Variants in FARS2 observed in about 807,000 individuals in gnomAD.
FARS2 encodes the protein phenylalanine--tRNA ligase, mitochondrial.
In FARS2, 40 loss-of-function variants were observed where a neutral mutation model predicts 46.4. The ratio of observed to expected loss-of-function variants is 0.86; its 90% CI spans 0.67 to 1.12. FARS2 has a LOEUF of 1.12. Among genes scored for constraint, FARS2 ranks in the 50% most tolerant of loss-of-function variants. FARS2 has a pLI of 0.00. For synonymous variants in FARS2, 234 were observed against 214.9 expected (o/e 1.09, Z -0.78); for missense variants, 513 against 567.9 (o/e 0.90, Z 0.98).
At chr6:5,492,268 A>G (rs1395474703) in intron 4 of FARS2, among the ~76,000 whole-genome samples, 1 of 152,236 alleles carries the variant, frequency 6.6e-6, no homozygotes, top group Admixed American at 6.5e-5. Flanking sequence ...CTTTAAAAAC[A>G]TAATTCTAAT....
At chr6:5,289,603 C>T (rs1430648405) in intron 1 of FARS2, among the ~76,000 whole-genome samples, 1 of 152,222 alleles carries the variant, frequency 6.6e-6, no homozygotes, top group South Asian at 2.1e-4. Flanking sequence ...TACAAAGTTA[C>T]ACTCCTATGC....
rs542309061 is a variant in FARS2 at position 5,567,329 on chromosome 6, C to T, written c.1065+21989C>T. ...TATCATCTTTGGAGAAATGTCCTTT[C>T]GAGTACTTTGCGCATTTTTTAATTG... On this transcript the variant is annotated intron_variant, in intron 5 of 6. Coordinates refer to ENST00000274680, the MANE Select transcript of FARS2 (RefSeq NM_006567.5). Among the ~76,000 whole-genome samples, 33 of 152,200 alleles carry T rather than the reference C, an allele frequency of 2.2e-4. No homozygotes were observed. In the South Asian group the frequency reaches 6.4e-3, roughly 30 times the overall value.
chr6:5,359,028 CCCTTTT>C (rs1230593922), intron 1 of FARS2, among the ~76,000 whole-genome samples: 1 of 2,434 alleles, frequency 4.1e-4, no homozygotes, highest in Admixed American at 4.9e-3. Flanking sequence ...TGAAAAGATA[CCCTTTT>C]TTTTTTTTTT....
chr6:5,393,907 C>A (rs560309840), intron 2 of FARS2, among the ~76,000 whole-genome samples: 1 of 152,268 alleles, frequency 6.6e-6, no homozygotes, highest in East Asian at 1.9e-4. Context: ...TCTCGAGCAT[C>A]CTGCTATGCA....
intron 4 of FARS2, among the ~76,000 whole-genome samples, chr6:5,509,280 A>G (rs1768286567): frequency 1.3e-5 from 2 of 152,234 alleles, no homozygotes; most frequent in Admixed American, 6.5e-5. Flanking sequence ...CCTGCCCAGC[A>G]TTCCTTGGCG....
intron 3 of FARS2, among the ~76,000 whole-genome samples, chr6:5,427,911 G>T (rs1042917129): frequency 6.6e-6 from 1 of 152,144 alleles, no homozygotes; most frequent in Non-Finnish European, 1.5e-5. Context: ...AGCTATAATT[G>T]TTTTTTCTCA....
intron 5 of FARS2, among the ~76,000 whole-genome samples, chr6:5,574,470 G>T (rs1772843925): frequency 6.6e-6 from 1 of 152,132 alleles, no homozygotes; most frequent in Non-Finnish European, 1.5e-5. Flanking sequence ...ATAGTAGAAG[G>T]TTGAAAACAC....
intron 4 of FARS2, among the ~76,000 whole-genome samples, chr6:5,468,748 A>G (rs962185195): frequency 6.6e-6 from 1 of 152,174 alleles, no homozygotes; most frequent in Non-Finnish European, 1.5e-5. Context: ...CAAGAATGCG[A>G]TGCTAGCATG....
intron 5 of FARS2, among the ~76,000 whole-genome samples, chr6:5,578,808 C>CAAAAAAAAAAAAAAAAAAAAAAAA (rs56248218): frequency 8.0e-6 from 1 of 124,374 alleles, no homozygotes; most frequent in African/African-American, 3.2e-5. Flanking sequence ...CACTCCGTCT[C>CAAAAAAAAAAAAAAAAAAAAAAAA]AAAAAAAAAA....
intron 4 of FARS2, among the ~76,000 whole-genome samples, chr6:5,438,244 C>CCA (rs1763642917): frequency 9.0e-5 from 1 of 11,064 alleles, no homozygotes; most frequent in Non-Finnish European, 1.8e-4. Context: ...TACCCACCCC[C>CCA]CGCCCCCCCC....
chr6:5,688,847 G>A (rs1473827703), intron 6 of FARS2, among the ~76,000 whole-genome samples: 2 of 152,024 alleles, frequency 1.3e-5, no homozygotes, highest in Admixed American at 6.6e-5. Flanking sequence ...TTTTTTGGTT[G>A]GTAAGCTATT....
At chr6:5,260,454 G>C (rs1017181943), upstream of FARS2, among the ~76,000 whole-genome samples, 2 of 152,232 alleles carry the variant, frequency 1.3e-5, no homozygotes, top group African/African-American at 4.8e-5. Context: ...AGAAAGAAAG[G>C]CTCCTCCCCG....
At chr6:5,460,630 C>T (rs1242067490) in intron 4 of FARS2, among the ~76,000 whole-genome samples, 1 of 152,148 alleles carries the variant, frequency 6.6e-6, no homozygotes, top group East Asian at 1.9e-4. Context: ...TCTGCTGTAG[C>T]TGCAGTCCAA....
chr6:5,602,236 G>T (rs573372585), intron 5 of FARS2, among the ~76,000 whole-genome samples: 22 of 152,310 alleles, frequency 1.4e-4, no homozygotes, highest in Non-Finnish European at 2.9e-4. Flanking sequence ...TAAGGGTGCT[G>T]CAGTACTGGG....
chr6:5,356,928 G>A (rs1383732596), intron 1 of FARS2, among the ~76,000 whole-genome samples: 3 of 133,224 alleles, frequency 2.3e-5, no homozygotes, highest in East Asian at 5.1e-4. Flanking sequence ...TTATAGAGAA[G>A]TGGAGGGCTA....
At chr6:5,769,807 C>T (rs1762940519) in intron 6 of FARS2, among the ~76,000 whole-genome samples, 1 of 152,216 alleles carries the variant, frequency 6.6e-6, no homozygotes, top group East Asian at 1.9e-4. Context: ...CCTCCTGTGG[C>T]TTGATCCAAA....
intron 1 of FARS2, among the ~76,000 whole-genome samples, chr6:5,269,326 C>T (rs551253527): frequency 1.2e-4 from 14 of 118,838 alleles, no homozygotes; most frequent in Admixed American, 5.4e-4. Context: ...CATCGCACAC[C>T]GGGGCCTGTG....
intron 6 of FARS2, among the ~76,000 whole-genome samples, chr6:5,714,338 T>C (rs1224404534): frequency 6.6e-6 from 1 of 152,154 alleles, no homozygotes; most frequent in Non-Finnish European, 1.5e-5. Context: ...AGTCTTCTAA[T>C]GGCATCGCCA....
chr6:5,543,888 T>TC (rs1770786828), intron 4 of FARS2, among the ~76,000 whole-genome samples: 1 of 151,180 alleles, frequency 6.6e-6, no homozygotes, highest in African/African-American at 2.4e-5. Context: ...TTGTTTGCTT[T>TC]TTTTTTTTTT....
Sources: allele counts gnomAD v4.1 joint callset (sites outside exome capture counted in the v4.1 genomes callset), GRCh38; gene constraint gnomAD v4.1.1; transcripts MANE v1.5; gene names NCBI Gene and HGNC (gene_info 2026-07-23, HGNC 2026-07-21).